Variants in UGT2A2 observed in about 807,000 individuals in gnomAD.
UGT2A2 encodes the protein UDP-glucuronosyltransferase 2A2.
UGT2A2 carries 60 observed loss-of-function variants against 50.7 expected under a neutral mutation model. The observed-to-expected ratio is 1.18, with a 90% CI of 0.96 to 1.47. UGT2A2 has a LOEUF of 1.47. Ranked by LOEUF, UGT2A2 falls within the 40% of genes most tolerant of loss-of-function variation. The pLI is 0.00. For missense variants in UGT2A2, 762 were observed against 634.0 expected (o/e 1.20, Z -2.17); for synonymous variants, 242 against 214.6 (o/e 1.13, Z -1.11).
chr4:69,638,836 C>T (rs1382901820), intron 1 of UGT2A2, 63 bp downstream of exon 1: 69 of 1,460,076 alleles, frequency 4.7e-5, no homozygotes, highest in Non-Finnish European at 6.1e-5. Context: ...AATCGTTTGC[C>T]ATATGACAAT....
chr4:69,621,254 C>A (rs781748545), intron 1 of UGT2A2, among the ~76,000 whole-genome samples: 4 of 151,916 alleles, frequency 2.6e-5, no homozygotes, highest in Non-Finnish European at 4.4e-5. Flanking sequence ...ATGCATCTGA[C>A]AAAGATCTAA....
At chr4:69,626,003 G>A (rs1456403500) in intron 1 of UGT2A2, among the ~76,000 whole-genome samples, 1 of 151,464 alleles carries the variant, frequency 6.6e-6, no homozygotes, top group Non-Finnish European at 1.5e-5. Context: ...CTGTTTTAGA[G>A]TACTTGTCTA....
At chr4:69,595,916 C>A (rs796421426) in intron 3 of UGT2A2, among the ~76,000 whole-genome samples, 1 of 152,090 alleles carries the variant, frequency 6.6e-6, no homozygotes, top group East Asian at 1.9e-4. Context: ...ATGGAGCTAA[C>A]AAACTTCAAA....
intron 1 of UGT2A2, among the ~76,000 whole-genome samples, chr4:69,624,534 TTC>T (rs1162689574): frequency 6.6e-6 from 1 of 151,460 alleles, no homozygotes; most frequent in African/African-American, 2.4e-5. Flanking sequence ...CTCTTTTTTG[TTC>T]TTTTTTTCTT....
intron 1 of UGT2A2, among the ~76,000 whole-genome samples, 164 bp downstream of exon 1, chr4:69,638,735 A>T (rs1159927560): frequency 6.6e-6 from 1 of 152,150 alleles, no homozygotes; most frequent in Non-Finnish European, 1.5e-5. Context: ...TTCATTGTTA[A>T]GGATTTATTC....
At chr4:69,594,797 G>A in intron 4 of UGT2A2, 101 bp from the exon 5 acceptor site, 1 of 1,363,818 alleles carries the variant, frequency 7.3e-7, no homozygotes, top group Non-Finnish European at 9.9e-7. Flanking sequence ...ACTCTCTAAA[G>A]AAGGATACGT....
intron 1 of UGT2A2, among the ~76,000 whole-genome samples, chr4:69,637,653 TCTTCTTA>T (rs1313817175): frequency 6.6e-6 from 1 of 152,164 alleles, no homozygotes; most frequent in East Asian, 1.9e-4. Context: ...AACTATCTGT[TCTTCTTA>T]CTTTATTATT....
chr4:69,633,007 G>C (rs1321950549), intron 1 of UGT2A2, among the ~76,000 whole-genome samples: 1 of 152,078 alleles, frequency 6.6e-6, no homozygotes, highest in Non-Finnish European at 1.5e-5. Flanking sequence ...TAATCATGAT[G>C]TTAAAGTTGA....
chr4:69,612,581 C>A (rs1474955768), intron 1 of UGT2A2, among the ~76,000 whole-genome samples: 1 of 151,816 alleles, frequency 6.6e-6, no homozygotes, highest in African/African-American at 2.4e-5. Context: ...TAAAGCCACA[C>A]AAAACCATTT....
At chr4:69,634,351 C>T (rs529480534) in intron 1 of UGT2A2, among the ~76,000 whole-genome samples, 2 of 151,962 alleles carry the variant, frequency 1.3e-5, no homozygotes, top group African/African-American at 2.4e-5. Context: ...GCTTAGGTGA[C>T]GAAAGATTAA....
intron 1 of UGT2A2, among the ~76,000 whole-genome samples, chr4:69,636,246 G>A (rs1352664156): frequency 3.9e-5 from 6 of 152,128 alleles, no homozygotes; most frequent in African/African-American, 1.4e-4. Context: ...AATTTGACAT[G>A]TTGTTAGCTC....
At chr4:69,609,950 G>A (rs1320965314) in intron 1 of UGT2A2, among the ~76,000 whole-genome samples, 1 of 152,114 alleles carries the variant, frequency 6.6e-6, no homozygotes, top group Non-Finnish European at 1.5e-5. Flanking sequence ...TTCTACATAT[G>A]TGTTTGTATA....
intron 1 of UGT2A2, among the ~76,000 whole-genome samples, chr4:69,610,033 A>G (rs770416276): frequency 1.3e-5 from 2 of 152,204 alleles, no homozygotes; most frequent in Admixed American, 6.6e-5. Flanking sequence ...GTTTTTAAAG[A>G]GAATGTTAAA....
At chr4:69,630,872 C>T (rs1721342293) in intron 1 of UGT2A2, among the ~76,000 whole-genome samples, 1 of 151,924 alleles carries the variant, frequency 6.6e-6, no homozygotes, top group African/African-American at 2.4e-5. Context: ...ATCAATTATA[C>T]ATATATTATA....
chr4:69,633,728 C>T (rs1721513584), intron 1 of UGT2A2, among the ~76,000 whole-genome samples: 1 of 151,998 alleles, frequency 6.6e-6, no homozygotes. Context: ...AACTATATAA[C>T]GTTTAAAGTC....
intron 1 of UGT2A2, 141 bp from the exon 2 acceptor site, chr4:69,599,535 A>G: frequency 1.7e-6 from 2 of 1,187,042 alleles, no homozygotes; most frequent in South Asian, 4.0e-5. Context: ...ATGTTTATAT[A>G]TTAAGAAGAA....
chr4:69,591,131 T>C (rs1718572233), intron 5 of UGT2A2, among the ~76,000 whole-genome samples: 1 of 152,168 alleles, frequency 6.6e-6, no homozygotes, highest in Admixed American at 6.6e-5. Flanking sequence ...AATAGTTTTG[T>C]CAATGAAATG....
intron 1 of UGT2A2, among the ~76,000 whole-genome samples, chr4:69,619,232 A>G (rs1720596105): frequency 6.6e-6 from 1 of 151,544 alleles, no homozygotes; most frequent in African/African-American, 2.4e-5. Flanking sequence ...ACATATCTCT[A>G]TAAAAATAAA....
intron 2 of UGT2A2, 30 bp downstream of exon 2, chr4:69,599,216 G>A (rs1293163737): frequency 1.9e-6 from 3 of 1,585,634 alleles, no homozygotes; most frequent in Non-Finnish European, 2.6e-6. Flanking sequence ...ATTATGAAGA[G>A]CATAAAATCC....
Sources: gnomAD v4.1 joint callset for allele counts (sites outside exome capture counted in the v4.1 genomes callset) on GRCh38, gnomAD v4.1.1 for gene constraint, MANE v1.5 for transcripts, NCBI Gene and HGNC (gene_info 2026-07-23, HGNC 2026-07-21) for gene names.